The following ASAP1 variants were observed in gnomAD, a reference collection of about 807,000 sequenced individuals.
ASAP1 encodes the protein arf-GAP with SH3 domain, ANK repeat and PH domain-containing protein 1.
ASAP1 carries 43 observed loss-of-function variants against 145.2 expected under a neutral mutation model. The observed-to-expected ratio is 0.30, with a 90% CI of 0.23 to 0.38. The LOEUF (loss-of-function observed/expected upper bound fraction) is 0.38, where lower values mean the gene tolerates loss of function less well. ASAP1 is among the 10% of genes least tolerant of loss of function. The pLI, the probability that ASAP1 is intolerant of heterozygous loss-of-function variation, is 1.00. For missense variants in ASAP1, 1,018 were observed against 1,355.3 expected, an observed-to-expected ratio of 0.75 and a Z score of 3.91; for synonymous variants, 546 against 515.5, an observed-to-expected ratio of 1.06 and a Z score of -0.80.
intron 2 of ASAP1, among the ~76,000 whole-genome samples, chr8:130,398,239 C>T (rs1442161553): frequency 6.6e-6 from 1 of 152,212 alleles, no homozygotes; most frequent in Non-Finnish European, 1.5e-5. Context: ...CACATTAGCA[C>T]AACCACAGAA....
intron 3 of ASAP1, among the ~76,000 whole-genome samples, chr8:130,297,285 G>A (rs1003894679): frequency 3.3e-5 from 5 of 152,158 alleles, no homozygotes; most frequent in East Asian, 1.9e-4. Flanking sequence ...CTCAAGTCCC[G>A]TAGTCGGCCC....
At chr8:130,329,666 G>C (rs145677252) in intron 3 of ASAP1, among the ~76,000 whole-genome samples, 1 of 152,310 alleles carries the variant, frequency 6.6e-6, no homozygotes, top group African/African-American at 2.4e-5. Flanking sequence ...AGCTAAAGTT[G>C]AGAGTATTTT....
chr8:130,298,050 T>C (rs1292807879), intron 3 of ASAP1, among the ~76,000 whole-genome samples: 1 of 152,182 alleles, frequency 6.6e-6, no homozygotes, highest in African/African-American at 2.4e-5. Context: ...CATGTCTTCA[T>C]TGCTAAACAT....
intron 3 of ASAP1, among the ~76,000 whole-genome samples, chr8:130,335,631 G>T (rs1399406553): frequency 6.6e-6 from 1 of 152,202 alleles, no homozygotes; most frequent in Non-Finnish European, 1.5e-5. Flanking sequence ...AAAAAGAGTT[G>T]GGAGGCAGAT....
At chr8:130,315,968 C>T (rs766420977) in intron 3 of ASAP1, among the ~76,000 whole-genome samples, 31 of 152,178 alleles carry the variant, frequency 2.0e-4, no homozygotes, top group Non-Finnish European at 3.5e-4. Flanking sequence ...CTGGCATTGG[C>T]CACTCCCTTC....
At chr8:130,179,417 T>C in intron 8 of ASAP1, 68 bp from the exon 9 acceptor site, 1 of 924,718 alleles carries the variant, frequency 1.1e-6, no homozygotes, top group Non-Finnish European at 1.8e-6. Context: ...TGGGTTCAGG[T>C]GGCTGAACAT....
chr8:130,203,204 A>G (rs1354286454), intron 5 of ASAP1, among the ~76,000 whole-genome samples: 3 of 152,360 alleles, frequency 2.0e-5, no homozygotes, highest in South Asian at 2.1e-4. Flanking sequence ...ATACAACAAC[A>G]AAGTCCATGC....
chr8:130,331,549 T>C (rs970254735), intron 3 of ASAP1, among the ~76,000 whole-genome samples: 7 of 152,172 alleles, frequency 4.6e-5, no homozygotes, highest in African/African-American at 1.4e-4. Context: ...GCCTTCCTTA[T>C]TATAGTGGAG....
intron 27 of ASAP1, among the ~76,000 whole-genome samples, chr8:130,071,029 A>G: frequency 8.8e-6 from 1 of 113,520 alleles, no homozygotes; most frequent in Non-Finnish European, 1.8e-5. Flanking sequence ...AGAGAGAGAG[A>G]GAGAGAGAGA....
intron 1 of ASAP1, among the ~76,000 whole-genome samples, chr8:130,404,322 A>G (rs1828930920): frequency 6.6e-6 from 1 of 152,238 alleles, no homozygotes; most frequent in African/African-American, 2.4e-5. Context: ...CTTAAAATGC[A>G]TATGGAAATG....
At chr8:130,408,667 T>C (rs1466217652) in intron 1 of ASAP1, among the ~76,000 whole-genome samples, 1 of 152,178 alleles carries the variant, frequency 6.6e-6, no homozygotes, top group Non-Finnish European at 1.5e-5. Flanking sequence ...ATTCTGTTTC[T>C]CTGAAGAACC....
chr8:130,407,544 T>C (rs1459424252), intron 1 of ASAP1, among the ~76,000 whole-genome samples: 2 of 152,198 alleles, frequency 1.3e-5, no homozygotes, highest in Non-Finnish European at 2.9e-5. Context: ...CCCCACGGTC[T>C]TCTGTACAAC....
intron 7 of ASAP1, among the ~76,000 whole-genome samples, chr8:130,186,339 T>A (rs1317218054): frequency 6.6e-6 from 1 of 152,218 alleles, no homozygotes; most frequent in Non-Finnish European, 1.5e-5. Flanking sequence ...ACTACTTTTT[T>A]TAATCCTGAA....
chr8:130,405,849 A>C (rs911454689), intron 1 of ASAP1, among the ~76,000 whole-genome samples: 1 of 152,256 alleles, frequency 6.6e-6, no homozygotes, highest in Non-Finnish European at 1.5e-5. Context: ...ATTTCTTTCT[A>C]GTCAAGAAAG....
chr8:130,418,324 C>T (rs1159511286), intron 1 of ASAP1, among the ~76,000 whole-genome samples: 2 of 152,052 alleles, frequency 1.3e-5, no homozygotes, highest in Admixed American at 6.6e-5. Context: ...GCCAGGCGGG[C>T]GGATCATGAG....
chr8:130,401,359 C>T (rs1404176521), intron 2 of ASAP1, among the ~76,000 whole-genome samples: 1 of 152,086 alleles, frequency 6.6e-6, no homozygotes, highest in Non-Finnish European at 1.5e-5. Flanking sequence ...AATTCCACTG[C>T]CTCAACCTCC....
intron 3 of ASAP1, chr8:130,340,794 C>T (rs1825325884): frequency 2.5e-6 from 1 of 404,506 alleles, no homozygotes; most frequent in East Asian, 7.2e-5. Context: ...ATAAAATTTA[C>T]ATAAAGAACT....
chr8:130,402,770 C>T (rs1433920573), intron 1 of ASAP1, among the ~76,000 whole-genome samples: 2 of 152,134 alleles, frequency 1.3e-5, no homozygotes, highest in African/African-American at 4.8e-5. Context: ...CCACTTATCT[C>T]TCCCCACCTC....
chr8:130,154,001 C>T (rs978948324), intron 12 of ASAP1, among the ~76,000 whole-genome samples: 1 of 152,014 alleles, frequency 6.6e-6, no homozygotes, highest in African/African-American at 2.4e-5. Context: ...CAAGACCAGC[C>T]TGGACAACAT....
Sources: gnomAD v4.1 joint callset for allele counts (sites outside exome capture counted in the v4.1 genomes callset) on GRCh38, gnomAD v4.1.1 for gene constraint, MANE v1.5 for transcripts, NCBI Gene and HGNC (gene_info 2026-07-23, HGNC 2026-07-21) for gene names.